ASAP1: variants seen among roughly 807,000 people sequenced by gnomAD.
ASAP1 encodes arf-GAP with SH3 domain, ANK repeat and PH domain-containing protein 1.
In ASAP1, 43 loss-of-function variants were observed where a neutral mutation model predicts 145.2. The ratio of observed to expected loss-of-function variants is 0.30; its 90% CI spans 0.23 to 0.38. ASAP1 has a LOEUF of 0.38. ASAP1 is among the 10% of genes least tolerant of loss of function. The pLI, the probability that ASAP1 is intolerant of heterozygous loss-of-function variation, is 1.00. For synonymous variants in ASAP1, 546 were observed against 515.5 expected (o/e 1.06, Z -0.80); for missense variants, 1,018 against 1,355.3 (o/e 0.75, Z 3.91).
At chr8:130,176,152 C>T (rs554945348) in intron 9 of ASAP1, among the ~76,000 whole-genome samples, 1 of 152,312 alleles carries the variant, frequency 6.6e-6, no homozygotes, top group African/African-American at 2.4e-5. Flanking sequence ...AGTGTAGTAG[C>T]TTCATCCACA....
chr8:130,379,894 G>A (rs557315942), intron 2 of ASAP1, among the ~76,000 whole-genome samples: 24 of 152,242 alleles, frequency 1.6e-4, no homozygotes, highest in Middle Eastern at 3.4e-3. Context: ...CAGACACCAC[G>A]CCCTGAGCCT....
intron 13 of ASAP1, among the ~76,000 whole-genome samples, chr8:130,142,870 G>T (rs1222670972): frequency 6.6e-6 from 1 of 152,046 alleles, no homozygotes; most frequent in African/African-American, 2.4e-5. Context: ...TCTATTTCAC[G>T]GTGGGGTGGT....
At chr8:130,425,560 C>G (rs1342286728) in intron 1 of ASAP1, among the ~76,000 whole-genome samples, 1 of 152,088 alleles carries the variant, frequency 6.6e-6, no homozygotes, top group Non-Finnish European at 1.5e-5. Flanking sequence ...TCATGAAGCT[C>G]ATGGACCAGC....
chr8:130,287,194 T>C (rs2137260749), intron 3 of ASAP1, among the ~76,000 whole-genome samples: 1 of 152,282 alleles, frequency 6.6e-6, no homozygotes, highest in East Asian at 1.9e-4. Flanking sequence ...CATTTTTGTA[T>C]ATTGCCTGTC....
intron 4 of ASAP1, among the ~76,000 whole-genome samples, chr8:130,223,326 A>G (rs565949193): frequency 1.3e-5 from 2 of 152,332 alleles, no homozygotes; most frequent in East Asian, 1.9e-4. Context: ...CTGGGCATAT[A>G]TAACCTTGGA....
chr8:130,125,116 C>T (rs1365707883), intron 17 of ASAP1, among the ~76,000 whole-genome samples: 1 of 152,052 alleles, frequency 6.6e-6, no homozygotes, highest in South Asian at 2.1e-4. Context: ...TTTTTTTGAG[C>T]CCAGGTTCAT....
chr8:130,243,081 G>C (rs1818637995), intron 3 of ASAP1, among the ~76,000 whole-genome samples: 1 of 152,088 alleles, frequency 6.6e-6, no homozygotes, highest in African/African-American at 2.4e-5. Flanking sequence ...AAACCAAATT[G>C]TGCATCTACC....
At chr8:130,401,648 C>T (rs1456831035) in intron 2 of ASAP1, among the ~76,000 whole-genome samples, 2 of 152,176 alleles carry the variant, frequency 1.3e-5, no homozygotes, top group Non-Finnish European at 2.9e-5. Flanking sequence ...TAGGCACCAC[C>T]ACCCAGACAA....
At chr8:130,265,945 A>G (rs565551566) in intron 3 of ASAP1, among the ~76,000 whole-genome samples, 82 of 152,328 alleles carry the variant, frequency 5.4e-4, no homozygotes, top group Non-Finnish European at 9.4e-4. Flanking sequence ...TGGATAAAGT[A>G]TGGCTAACAT....
intron 29 of ASAP1, 65 bp from the exon 30 acceptor site, chr8:130,054,870 T>A: frequency 7.6e-7 from 1 of 1,324,448 alleles, no homozygotes; most frequent in Admixed American, 1.7e-5. Context: ...ACAAACCCAG[T>A]GGGTAAGAGC....
At chr8:130,440,442 G>A (rs1166363634) in intron 1 of ASAP1, among the ~76,000 whole-genome samples, 3 of 151,742 alleles carry the variant, frequency 2.0e-5, no homozygotes, top group African/African-American at 7.3e-5. Context: ...AGGAGGCAGA[G>A]GTTGCAGTGA....
At chr8:130,248,589 G>A (rs191836314) in intron 3 of ASAP1, among the ~76,000 whole-genome samples, 1 of 152,142 alleles carries the variant, frequency 6.6e-6, no homozygotes, top group African/African-American at 2.4e-5. Context: ...TTAGAACAAA[G>A]ACGTGATTAG....
chr8:130,058,974 C>T (rs908976553), intron 28 of ASAP1, among the ~76,000 whole-genome samples: 2 of 152,140 alleles, frequency 1.3e-5, no homozygotes, highest in Non-Finnish European at 2.9e-5. Context: ...GATTAAATGA[C>T]ATAATAAAAC....
At chr8:130,089,611 T>C (rs1181364459) in intron 25 of ASAP1, among the ~76,000 whole-genome samples, 2 of 152,220 alleles carry the variant, frequency 1.3e-5, no homozygotes, top group East Asian at 3.8e-4. Flanking sequence ...CTTTGGCTTC[T>C]ACAATACAAT....
chr8:130,056,245 G>A (rs1171079241), intron 29 of ASAP1, among the ~76,000 whole-genome samples: 3 of 152,232 alleles, frequency 2.0e-5, no homozygotes, highest in East Asian at 1.9e-4. Context: ...ACTGATTCAC[G>A]TGGGGGGGCT....
intron 3 of ASAP1, among the ~76,000 whole-genome samples, chr8:130,306,723 G>C (rs1176063921): frequency 6.6e-6 from 1 of 152,214 alleles, no homozygotes. Context: ...TAAACTTTAA[G>C]TAAATACCAA....
rs112860256 is a variant in ASAP1, at chr8:130,068,655, C to T, written c.2702-7586G>A. Among the ~76,000 whole-genome samples the T allele has an allele frequency of 6.2e-3, 937 of 152,304 alleles. 6 individuals are homozygous for T. The highest frequency in any genetic ancestry group is 0.012 in the African/African-American group (481 of 41,572). ...TGATCCAGACACACAGGAGGCTATT[C>T]CTGCGGTAACTGGCAGCTTGGTGGA... On this transcript the variant is annotated intron_variant, in intron 27 of 29. Coordinates refer to ENST00000518721, the MANE Select transcript of ASAP1 (RefSeq NM_018482.4).
intron 25 of ASAP1, among the ~76,000 whole-genome samples, chr8:130,086,879 AG>A (rs2097494506): frequency 6.6e-6 from 1 of 152,216 alleles, no homozygotes; most frequent in Non-Finnish European, 1.5e-5. Context: ...TTTGTAATGA[AG>A]GAAGTGTGGC....
At chr8:130,298,915 G>C (rs1221816954) in intron 3 of ASAP1, among the ~76,000 whole-genome samples, 1 of 152,168 alleles carries the variant, frequency 6.6e-6, no homozygotes, top group Non-Finnish European at 1.5e-5. Flanking sequence ...ACAGGTATTA[G>C]GGCGGCAGAA....
Sources: allele counts gnomAD v4.1 joint callset (sites outside exome capture counted in the v4.1 genomes callset), GRCh38; gene constraint gnomAD v4.1.1; transcripts MANE v1.5; gene names NCBI Gene and HGNC (gene_info 2026-07-23, HGNC 2026-07-21).